ADGRG4: variants seen among roughly 807,000 people sequenced by gnomAD.
ADGRG4 encodes G protein-coupled receptor 112.
ADGRG4 carries 122 observed loss-of-function variants against 126.2 expected under a neutral mutation model. The ratio of observed to expected loss-of-function variants is 0.97; its 90% CI spans 0.83 to 1.12. The LOEUF is 1.12. Among genes scored for constraint, ADGRG4 ranks in the 50% most tolerant of loss-of-function variants. The pLI, the probability that ADGRG4 is intolerant of heterozygous loss-of-function variation, is 0.00. For synonymous variants in ADGRG4, 943 were observed against 838.7 expected, an observed-to-expected ratio of 1.12 and a Z score of -2.15; for missense variants, 2,481 against 2,251.8, an observed-to-expected ratio of 1.10 and a Z score of -2.06.
chrX:136,303,777 A>C (rs897001096), intron 1 of ADGRG4, among the ~76,000 whole-genome samples: 2 of 111,178 alleles, frequency 1.8e-5, no homozygotes, highest in Non-Finnish European at 1.9e-5. Flanking sequence ...TTGAGCCCCA[A>C]ATTCAATAGC....
At chrX:136,373,231 G>A (rs2075205579) in intron 15 of ADGRG4, among the ~76,000 whole-genome samples, 167 bp downstream of exon 15, 1 of 112,112 alleles carries the variant, frequency 8.9e-6, no homozygotes, top group Non-Finnish European at 1.9e-5. Flanking sequence ...GTAGGCTAAC[G>A]TCTTGGTTGG....
At chrX:136,378,517 T>C (rs2075241440) in intron 15 of ADGRG4, among the ~76,000 whole-genome samples, 1 of 111,502 alleles carries the variant, frequency 9.0e-6, no homozygotes, top group South Asian at 3.8e-4. Flanking sequence ...ATACTTCCAA[T>C]AAAATGTTGA....
rs776601982 is a variant in ADGRG4, at chrX:136,308,692, A to C, written c.-9-77A>C. ...AACCCTTAGGTGGTATGCAAAGGAG[A>C]AGTGTGGTCACATACGCTTAGAAAT... On this transcript the variant is annotated intron_variant, in intron 3 of 25. Coordinates refer to ENST00000394143, the MANE Select transcript of ADGRG4 (RefSeq NM_153834.4). 1.5e-4 allele frequency: 90 copies of C among 593,560 alleles called. No homozygotes were observed. The African/African-American group carries it at 1.6e-3, about 10-fold the overall frequency. The allele number at this position is 593,560 out of a possible 1,213,427, so 48.9% of individuals were successfully genotyped here.
chrX:136,370,553 C>G (rs1036059273), intron 13 of ADGRG4, among the ~76,000 whole-genome samples: 1 of 111,346 alleles, frequency 9.0e-6, no homozygotes, highest in Non-Finnish European at 1.9e-5. Context: ...TTATTGTGGT[C>G]GTGACATGTA....
chrX:136,399,335 C>T (rs777179517), intron 20 of ADGRG4, among the ~76,000 whole-genome samples: 3 of 112,055 alleles, frequency 2.7e-5, no homozygotes, highest in East Asian at 2.8e-4. Context: ...TTAATAACAG[C>T]GTAAAATAAT....
chrX:136,403,436 C>A, intron 22 of ADGRG4, 114 bp downstream of exon 22: 1 of 551,631 alleles, frequency 1.8e-6, no homozygotes, highest in Non-Finnish European at 2.9e-6. Flanking sequence ...AGAAATCAAC[C>A]TAAGTCCTTT....
At chrX:136,303,969 G>T (rs1053794502) in intron 1 of ADGRG4, among the ~76,000 whole-genome samples, 164 bp from the exon 2 acceptor site, 2 of 111,643 alleles carry the variant, frequency 1.8e-5, no homozygotes, top group Non-Finnish European at 3.8e-5. Context: ...AATCAGCAGA[G>T]CCATATGGCT....
At chrX:136,342,915 TGTGTGTGA>T (rs1227809464) in intron 5 of ADGRG4, among the ~76,000 whole-genome samples, 16 of 80,835 alleles carry the variant, frequency 2.0e-4, no homozygotes, top group African/African-American at 8.3e-4. Flanking sequence ...TGTGTGTGTG[TGTGTGTGA>T]GAGAGAGAGA....
At position 136,389,068 on chromosome X, in the gene ADGRG4, CCAT is replaced by C. The variant is rs1309989570; in HGVS notation, c.7911+1195_7911+1197del. Among the ~76,000 whole-genome samples the C allele has an allele frequency of 1.3e-4, 15 of 111,718 alleles. No individual in the cohort carries two copies. The South Asian group carries it at 5.7e-3, about 42-fold the overall frequency. ...CATACCACACGCCACCTCAAATATA[CCAT>C]GTCACCTCCAGCTATGTCTGTAAGA... is the stretch of plus-strand genomic sequence containing the variant. On this transcript the variant is annotated intron_variant, in intron 16 of 25. Coordinates refer to ENST00000394143, the MANE Select transcript of ADGRG4 (RefSeq NM_153834.4).
rs764295441 is a variant in ADGRG4 at position 136,345,134 on chromosome X, A to G, written c.1428A>G (p.Thr476=). Reference sequence around the variant, plus strand: ...CACCTGAGCCTGTGCTCATCTCCACAGCTGCTCCAGTAGATTCTGTATTTC... The same window carrying G: ...CACCTGAGCCTGTGCTCATCTCCACGGCTGCTCCAGTAGATTCTGTATTTC... ...SFPPEPVLIS[T]AAPVDSVFPR... is the part of the protein sequence containing the mutation. Residue 476 remains threonine, a synonymous_variant, in exon 6 of 26, where the codon ACA becomes ACG. Transcript: ENST00000394143. 2.2e-5 allele frequency: 27 copies of G among 1,209,786 alleles called. No individual in the cohort carries two copies. The highest frequency in any genetic ancestry group is 3.0e-5 in the Non-Finnish European group (27 of 894,934).
At chrX:136,310,439 T>C (rs1195922090) in intron 4 of ADGRG4, among the ~76,000 whole-genome samples, 1 of 111,702 alleles carries the variant, frequency 9.0e-6, no homozygotes, top group African/African-American at 3.3e-5. Flanking sequence ...AAACAAGTTT[T>C]TTTTGTAGGT....
intron 3 of ADGRG4, 107 bp from the exon 4 acceptor site, chrX:136,308,662 G>GA: frequency 1.9e-6 from 1 of 535,178 alleles, no homozygotes; most frequent in Non-Finnish European, 3.2e-6. Flanking sequence ...TAAGCAATAG[G>GA]AAAAAACCCT....
At chrX:136,381,049 A>C (rs1438795127) in intron 15 of ADGRG4, among the ~76,000 whole-genome samples, 1 of 110,479 alleles carries the variant, frequency 9.1e-6, no homozygotes, top group African/African-American at 3.3e-5. Flanking sequence ...TCTATATATC[A>C]TTCATTTTAG....
intron 13 of ADGRG4, among the ~76,000 whole-genome samples, 164 bp from the exon 14 acceptor site, chrX:136,371,164 T>C (rs750692834): frequency 6.2e-5 from 7 of 112,204 alleles, no homozygotes; most frequent in African/African-American, 9.7e-5. Context: ...TTTCTGGGAC[T>C]ACACCTATTG....
intron 12 of ADGRG4, among the ~76,000 whole-genome samples, chrX:136,362,436 C>T (rs1346089864): frequency 2.7e-5 from 3 of 111,483 alleles, no homozygotes; most frequent in Non-Finnish European, 5.6e-5. Flanking sequence ...CCTTACCCGC[C>T]TCCGCCAACT....
intron 21 of ADGRG4, 113 bp from the exon 22 acceptor site, chrX:136,403,131 G>A (rs1017047624): frequency 9.3e-6 from 5 of 535,345 alleles, no homozygotes; most frequent in South Asian, 6.1e-5. Flanking sequence ...TTTGATGCCC[G>A]CACATCTGTG....
Position 136,345,206 on chromosome X carries a change from A to G in ADGRG4, c.1500A>G (p.Ile500Met), listed in dbSNP as rs768486719. ...AFPLATTDMK[I>M]AFTVHSLTLP... Reference sequence around the variant, plus strand: ...CATTGGCAACAACTGATATGAAAATAGCATTTACAGTCCATTCATTGACTC... The same window carrying G: ...CATTGGCAACAACTGATATGAAAATGGCATTTACAGTCCATTCATTGACTC... The change falls in exon 6 of 26, where the codon ATA becomes ATG. Residue 500 changes from isoleucine to methionine, a missense_variant. By Grantham distance (10) the Ile-to-Met change is conservative (BLOSUM62 1). Coordinates refer to ENST00000394143, the MANE Select transcript of ADGRG4 (RefSeq NM_153834.4). The G allele has an allele frequency of 8.3e-7, 1 of 1,208,395 alleles. No homozygotes were observed. The highest frequency in any genetic ancestry group is 1.1e-6 in the Non-Finnish European group (1 of 893,601).
rs201905946 is a variant in ADGRG4, at chrX:136,393,507, T to C, written c.8035-28T>C. 6 of 1,162,476 alleles carry C rather than the reference T, an allele frequency of 5.2e-6. No individual in the cohort carries two copies. In the East Asian group the frequency reaches 1.8e-4, roughly 35 times the overall value. On this transcript the variant is annotated intron_variant, in intron 17 of 25. Transcript: ENST00000394143. ...ATATGGTAAATATCACAAGGCAAGA[T>C]GTTTACCTCTGATTTCTTTTTTTCC...
intron 8 of ADGRG4, 35 bp downstream of exon 8, chrX:136,353,436 A>C: frequency 1.0e-6 from 1 of 980,711 alleles, no homozygotes; most frequent in East Asian, 3.1e-5. Flanking sequence ...GTCAAAGGGC[A>C]ATTTGAGGGC....
Sources: allele counts gnomAD v4.1 joint callset (sites outside exome capture counted in the v4.1 genomes callset), GRCh38; gene constraint gnomAD v4.1.1; transcripts MANE v1.5; gene names NCBI Gene and HGNC (gene_info 2026-07-23, HGNC 2026-07-21).